The following ABCB10 variants were observed in gnomAD, a reference collection of about 807,000 sequenced individuals.
ABCB10 encodes ATP binding cassette subfamily B member 10.
A neutral mutation model predicts 65.4 loss-of-function variants in ABCB10; 54 were observed. The ratio of observed to expected loss-of-function variants is 0.83; its 90% confidence interval spans 0.66 to 1.04. The LOEUF (loss-of-function observed/expected upper bound fraction) is 1.04, where lower values mean the gene tolerates loss of function less well. ABCB10 is among the 50% of genes least tolerant of loss of function. The pLI is 0.00. For missense variants in ABCB10, 846 were observed against 976.6 expected (o/e 0.87, Z 1.78); for synonymous variants, 418 against 406.5 (o/e 1.03, Z -0.34).
chr1:229,527,942 T>C (rs1433214035), intron 8 of ABCB10, among the ~76,000 whole-genome samples: 2 of 152,256 alleles, frequency 1.3e-5, no homozygotes, highest in African/African-American at 4.8e-5. Context: ...TGGTGAGGAA[T>C]CTGTTGTCTG....
chr1:229,534,764 G>A (rs535695763), intron 6 of ABCB10, among the ~76,000 whole-genome samples: 1 of 151,428 alleles, frequency 6.6e-6, no homozygotes, highest in African/African-American at 2.4e-5. Context: ...CCAGCTACTC[G>A]GGAGGCTGAG....
In ABCB10 at chr1:229,547,510, T is replaced by G. The variant is rs761787578; in HGVS notation, c.910A>C (p.Ile304Leu). Reference sequence around the variant, plus strand: ...CCAGGCCCACATACCATCATACTGATGCCTACGGAAGCCTGGGCCCCGGCC... The same window carrying G: ...CCAGGCCCACATACCATCATACTGAGGCCTACGGAAGCCTGGGCCCCGGCC... ...LRAGAQASVG[I>L]SMMFFVSPNL... The change falls in exon 3 of 13, where the codon ATC becomes CTC. Residue 304 changes from isoleucine (I) to leucine (L), a missense_variant. Around this residue, in one of 2 missense-constraint regions of ABCB10, gnomAD observed 632 missense variants for 803.2 expected, o/e 0.79. Coordinates refer to ENST00000344517, the MANE Select transcript of ABCB10 (RefSeq NM_012089.3). 2 of 1,612,504 alleles carry G rather than the reference T, an allele frequency of 1.2e-6. No individual in the cohort carries two copies. The highest frequency in any genetic ancestry group is 1.3e-5 in the African/African-American group (1 of 74,868).
chr1:229,527,970 G>A (rs993033648), intron 8 of ABCB10, among the ~76,000 whole-genome samples: 12 of 152,264 alleles, frequency 7.9e-5, no homozygotes, highest in African/African-American at 2.6e-4. Context: ...GAATCTGGTC[G>A]ATACCATGGC....
intron 1 of ABCB10, among the ~76,000 whole-genome samples, chr1:229,555,363 C>T (rs1418823307): frequency 2.0e-5 from 3 of 152,212 alleles, no homozygotes; most frequent in African/African-American, 4.8e-5. Flanking sequence ...CAAAGTGATA[C>T]GATGGAGAAT....
intron 3 of ABCB10, among the ~76,000 whole-genome samples, chr1:229,543,328 T>A (rs1227448762): frequency 5.3e-5 from 8 of 152,160 alleles, no homozygotes; most frequent in African/African-American, 1.7e-4. Flanking sequence ...CTTCTGGAAG[T>A]AAGTAACAGA....
At chr1:229,540,810 A>C in intron 4 of ABCB10, 58 bp from the exon 5 acceptor site, 5 of 1,517,634 alleles carry the variant, frequency 3.3e-6, no homozygotes, top group Non-Finnish European at 4.4e-6. Context: ...AGAGCTTCTA[A>C]GAAGGAAAAA....
Position 229,558,663 on chromosome 1 carries a change from G to A in ABCB10, c.-11C>T, listed in dbSNP as rs762538695. 1.5e-6 allele frequency: 2 copies of A among 1,318,910 alleles called. No homozygotes were observed. The highest frequency in any genetic ancestry group is 3.8e-5 in the South Asian group (2 of 53,040). The allele number at this position is 1,318,910 out of a possible 1,614,324, so 81.7% of individuals were successfully genotyped here. A position where few individuals can be genotyped will look rare whatever the true frequency, so the allele number is the denominator to read the frequency against. Reference sequence around the variant, plus strand: ...AGGGGGGCCTCGCATGGCGCTGCGTGCGACCCGTACGCCTCAGCCCGCCGG... The same window carrying A: ...AGGGGGGCCTCGCATGGCGCTGCGTACGACCCGTACGCCTCAGCCCGCCGG... On this transcript the variant is annotated 5_prime_UTR_variant, in exon 1 of 13. Transcript: ENST00000344517.
chr1:229,545,045 G>A (rs1662935757), intron 3 of ABCB10, among the ~76,000 whole-genome samples: 1 of 152,062 alleles, frequency 6.6e-6, no homozygotes, highest in Non-Finnish European at 1.5e-5. Flanking sequence ...CCAGAATTGT[G>A]AGAAATACAT....
intron 10 of ABCB10, 60 bp downstream of exon 10, chr1:229,525,876 A>G: frequency 6.5e-7 from 1 of 1,528,542 alleles, no homozygotes; most frequent in South Asian, 1.3e-5. Context: ...AAAAAACAAG[A>G]AACATGTGAA....
Position 229,518,087 on chromosome 1 carries a change from T to C in ABCB10, c.*92A>G. ...AATAGGTATTTTTCAAATAACTTGA[T>C]ATATGGTTTATGTATTTCATAGTCT... On this transcript the variant is annotated 3_prime_UTR_variant, in exon 13 of 13. Transcript: ENST00000344517. 2.2e-6 allele frequency: 2 copies of C among 895,598 alleles called. No individual in the cohort carries two copies. The highest frequency in any genetic ancestry group is 3.5e-6 in the Non-Finnish European group (2 of 572,888). The allele number at this position is 895,598 out of a possible 1,614,324, so 55.5% of individuals were successfully genotyped here. A position where few individuals can be genotyped will look rare whatever the true frequency, so the allele number is the denominator to read the frequency against.
chr1:229,537,557 C>T (rs942525744), intron 6 of ABCB10, among the ~76,000 whole-genome samples: 59 of 152,030 alleles, frequency 3.9e-4, no homozygotes, highest in Non-Finnish European at 2.9e-5. Flanking sequence ...GAGGCTGAGG[C>T]GGGCGGATTG....
chr1:229,549,733 G>A (rs537028802), intron 1 of ABCB10, among the ~76,000 whole-genome samples: 2 of 151,594 alleles, frequency 1.3e-5, no homozygotes, highest in South Asian at 2.1e-4. Context: ...CTATGGAACC[G>A]TTCTGGCCAG....
At position 229,527,264 on chromosome 1, in the gene ABCB10, C is replaced by G; in HGVS notation, c.1690G>C (p.Val564Leu). The change falls in exon 9 of 13, where the codon GTG (valine) becomes CTG (leucine). Residue 564 changes from valine (V) to leucine (L), a missense_variant. Val to Leu is a conservative substitution (Grantham distance 32). Around this residue, in one of 2 missense-constraint regions of ABCB10, gnomAD observed 632 missense variants for 803.2 expected, o/e 0.79. Coordinates refer to ENST00000344517, the MANE Select transcript of ABCB10 (RefSeq NM_012089.3). ...DGHDIRQLNP[V>L]WLRSKIGTVS... Reference sequence around the variant, plus strand: ...GTCCCAATTTTGGATCTCAGCCACACTGGGTTTAGCTGACGGATGTCATGG... The same window carrying G: ...GTCCCAATTTTGGATCTCAGCCACAGTGGGTTTAGCTGACGGATGTCATGG... The G allele has an allele frequency of 6.2e-7, 1 of 1,613,894 alleles. No individual in the cohort carries two copies.
chr1:229,548,972 T>C (rs1213260233), intron 2 of ABCB10, among the ~76,000 whole-genome samples: 2 of 152,206 alleles, frequency 1.3e-5, no homozygotes, highest in Non-Finnish European at 2.9e-5. Context: ...GAGGGGCTTA[T>C]TTTCAAACCT....
intron 6 of ABCB10, among the ~76,000 whole-genome samples, chr1:229,535,701 T>C (rs1477833075): frequency 1.3e-5 from 2 of 151,680 alleles, no homozygotes; most frequent in Non-Finnish European, 2.9e-5. Context: ...CTGTGGACTT[T>C]GGGTGTAATG....
At chr1:229,551,507 A>G (rs1374673229) in intron 1 of ABCB10, among the ~76,000 whole-genome samples, 1 of 152,240 alleles carries the variant, frequency 6.6e-6, no homozygotes, top group Non-Finnish European at 1.5e-5. Context: ...AACTTTGGCA[A>G]TGGAAGCAAT....
In ABCB10 at chr1:229,530,287, T is replaced by C. The variant is rs780403595; in HGVS notation, c.1557A>G (p.Ser519=). The C allele has an allele frequency of 6.0e-5, 97 of 1,614,062 alleles. No individual in the cohort carries two copies. The Admixed American group carries it at 1.6e-3, about 27-fold the overall frequency. The change falls in exon 8 of 13, where the codon TCA becomes TCG. Residue 519 remains serine, a synonymous_variant. Transcript: ENST00000344517. ...GGCCAACCAGTGCCGTGACAGATCC[T>C]GACGGAATGGAAAGGCTGAAATCCT... ...IFQDFSLSIP[S]GSVTALVGPS...
intron 11 of ABCB10, among the ~76,000 whole-genome samples, 173 bp downstream of exon 11, chr1:229,521,419 A>AC (rs1031006596): frequency 1.3e-5 from 2 of 151,980 alleles, no homozygotes; most frequent in African/African-American, 4.8e-5. Flanking sequence ...TTAAATTTGG[A>AC]CAATATACTA....
At chr1:229,528,691 A>ATT (rs764624554) in intron 8 of ABCB10, among the ~76,000 whole-genome samples, 43 of 147,132 alleles carry the variant, frequency 2.9e-4, no homozygotes, top group African/African-American at 9.9e-4. Flanking sequence ...AAATTACAGA[A>ATT]TTTTTTTTTT....
Sources: gnomAD v4.1 joint callset for allele counts (sites outside exome capture counted in the v4.1 genomes callset) on GRCh38, gnomAD v4.1.1 for gene constraint, gnomAD v4.1.1 regional missense constraint, MANE v1.5 for transcripts, NCBI Gene and HGNC (gene_info 2026-07-23, HGNC 2026-07-21) for gene names.